KIF2A: variants seen among roughly 807,000 people sequenced by gnomAD.
KIF2A encodes kinesin family member 2A.
Under a neutral mutation model 100.2 loss-of-function variants are expected in KIF2A, and 22 were observed. That is an observed-to-expected ratio of 0.22 (90% CI 0.16 to 0.31). The LOEUF (loss-of-function observed/expected upper bound fraction) is 0.31, where lower values mean the gene tolerates loss of function less well. Ranked by LOEUF, KIF2A falls within the 10% of genes least tolerant of loss-of-function variation. KIF2A has a pLI of 1.00. For missense variants in KIF2A, 495 were observed against 898.7 expected (o/e 0.55, Z 5.74); for synonymous variants, 268 against 285.9 (o/e 0.94, Z 0.63).
intron 1 of KIF2A, among the ~76,000 whole-genome samples, chr5:62,345,809 T>C (rs1437111623): frequency 6.6e-6 from 1 of 152,196 alleles, no homozygotes; most frequent in Non-Finnish European, 1.5e-5. Flanking sequence ...AGATAAATTA[T>C]AGATGCCCCC....
intron 19 of KIF2A, among the ~76,000 whole-genome samples, chr5:62,378,729 G>A (rs1389361970): frequency 6.6e-6 from 1 of 152,018 alleles, no homozygotes; most frequent in East Asian, 1.9e-4. Context: ...ACTAGCCTGG[G>A]CAACATGGTG....
At chr5:62,326,587 C>T (rs1489019310) in intron 1 of KIF2A, among the ~76,000 whole-genome samples, 1 of 152,116 alleles carries the variant, frequency 6.6e-6, no homozygotes, top group Non-Finnish European at 1.5e-5. Flanking sequence ...TGTCTCCTTT[C>T]ACCTGCCCAG....
At chr5:62,348,292 C>A (rs1165314583) in intron 3 of KIF2A, 125 bp downstream of exon 3, 1 of 894,216 alleles carries the variant, frequency 1.1e-6, no homozygotes, top group Non-Finnish European at 1.7e-6. Flanking sequence ...GCTTTTTCTG[C>A]CATCATATTC....
chr5:62,313,252 A>G (rs1437088566), intron 1 of KIF2A, among the ~76,000 whole-genome samples: 1 of 152,090 alleles, frequency 6.6e-6, no homozygotes, highest in East Asian at 1.9e-4. Context: ...TAGACTCTTG[A>G]AGTTATGGAC....
intron 19 of KIF2A, among the ~76,000 whole-genome samples, chr5:62,380,911 A>G (rs1310917958): frequency 1.3e-5 from 2 of 152,280 alleles, no homozygotes; most frequent in East Asian, 1.9e-4. Flanking sequence ...AAAAATCCAC[A>G]TAAGTGGACC....
At chr5:62,382,824 A>G (rs566214144) in intron 20 of KIF2A, among the ~76,000 whole-genome samples, 1 of 151,146 alleles carries the variant, frequency 6.6e-6, no homozygotes, top group Non-Finnish European at 1.5e-5. Flanking sequence ...ACGGGGTTTC[A>G]CCATGTTGGC....
At position 62,372,570 on chromosome 5, in the gene KIF2A, A is replaced by G. The variant is rs781144768; in HGVS notation, c.1760+19A>G. ...TTACCAGGTCTACTTCATTCTATAC[A>G]TAAGATGTTTATTTGTATACTTTCT... On this transcript the variant is annotated intron_variant, in intron 17 of 20. Coordinates refer to ENST00000407818, the MANE Select transcript of KIF2A (RefSeq NM_001098511.3). The G allele has an allele frequency of 2.3e-6, 3 of 1,277,928 alleles. No individual in the cohort carries two copies. Among genetic ancestry groups the G allele is most frequent in the Non-Finnish European group, 3.4e-6 (3 of 885,248 alleles). 79.2% of individuals were successfully genotyped at this position (1,277,928 alleles called of 1,614,324 possible).
rs146202636 is a variant in KIF2A at position 62,331,657 on chromosome 5, G to A, written c.65-15473G>A. ...TATGAAGAGAAATTTTTATAGAAAC[G>A]TCTAAAGGGGAACTGATAAAAATAA... is the stretch of plus-strand genomic sequence containing the variant. On this transcript the variant is annotated intron_variant, in intron 1 of 20. Coordinates refer to ENST00000407818, the MANE Select transcript of KIF2A (RefSeq NM_001098511.3). Among the ~76,000 whole-genome samples, 35 of 151,474 alleles carry A rather than the reference G, an allele frequency of 2.3e-4. No individual in the cohort carries two copies. The East Asian group carries it at 6.1e-3, about 26-fold the overall frequency.
intron 1 of KIF2A, among the ~76,000 whole-genome samples, chr5:62,342,386 G>A (rs774501855): frequency 1.9e-4 from 29 of 152,272 alleles, no homozygotes; most frequent in Non-Finnish European, 3.5e-4. Flanking sequence ...CAGCCATGCA[G>A]GTGCACTGCT....
intron 18 of KIF2A, among the ~76,000 whole-genome samples, chr5:62,377,262 T>G (rs1741591289): frequency 6.6e-6 from 1 of 152,240 alleles, no homozygotes; most frequent in South Asian, 2.1e-4. Flanking sequence ...CATATCTTTT[T>G]TAACAAAAGA....
intron 1 of KIF2A, among the ~76,000 whole-genome samples, chr5:62,338,360 C>G (rs540368558): frequency 2.0e-5 from 3 of 152,182 alleles, no homozygotes; most frequent in Non-Finnish European, 4.4e-5. Flanking sequence ...ACAATCTTGG[C>G]TCACTTCAAC....
Position 62,362,493 on chromosome 5 carries a change from G to T in KIF2A, c.1071G>T (p.Lys357Asn). ...TGCTAAAGAAGCCAAACTATAAGAAGCTAGAACTTCAAGTATATGCAACCT... is the reference window on the plus strand; with the variant it reads ...TGCTAAAGAAGCCAAACTATAAGAATCTAGAACTTCAAGTATATGCAACCT... ...FLMLKKPNYK[K>N]LELQVYATFF... is the part of the protein sequence containing the mutation. Residue 357 changes from lysine to asparagine, a missense_variant, in exon 12 of 21, where the codon AAG becomes AAT. Coordinates refer to ENST00000407818, the MANE Select transcript of KIF2A (RefSeq NM_001098511.3). 6.8e-7 allele frequency: 1 copy of T among 1,464,528 alleles called. No individual in the cohort carries two copies. The highest frequency in any genetic ancestry group is 9.0e-7 in the Non-Finnish European group (1 of 1,110,362). 90.7% of individuals were successfully genotyped at this position (1,464,528 alleles called of 1,614,324 possible). A position where few individuals can be genotyped will look rare whatever the true frequency, so the allele number is the denominator to read the frequency against.
intron 9 of KIF2A, among the ~76,000 whole-genome samples, chr5:62,360,028 G>A (rs1748316967): frequency 6.8e-6 from 1 of 147,540 alleles, no homozygotes; most frequent in Admixed American, 6.8e-5. Flanking sequence ...TTTTGCTCTT[G>A]TCGCCCAGGC....
At chr5:62,367,328 G>A (rs960856401) in intron 16 of KIF2A, among the ~76,000 whole-genome samples, 9 of 152,086 alleles carry the variant, frequency 5.9e-5, no homozygotes, top group South Asian at 2.1e-4. Context: ...GTGCAGTGGT[G>A]TGATCTCAGC....
chr5:62,361,879 T>C (rs548289614), intron 11 of KIF2A, among the ~76,000 whole-genome samples: 3 of 151,558 alleles, frequency 2.0e-5, no homozygotes, highest in African/African-American at 7.2e-5. Flanking sequence ...AAAAAAAACT[T>C]AGCCAGGCGT....
At chr5:62,322,953 G>C (rs566010834) in intron 1 of KIF2A, among the ~76,000 whole-genome samples, 1 of 21,924 alleles carries the variant, frequency 4.6e-5, no homozygotes, top group African/African-American at 1.5e-4. Context: ...AAAAAAATCA[G>C]CTTTATTAAA....
intron 1 of KIF2A, among the ~76,000 whole-genome samples, chr5:62,344,072 G>A (rs1414777424): frequency 3.3e-5 from 5 of 152,124 alleles, no homozygotes; most frequent in South Asian, 2.1e-4. Flanking sequence ...CCGGCTGGGC[G>A]CAGTGGCTCA....
At chr5:62,341,147 C>T (rs1032186448) in intron 1 of KIF2A, among the ~76,000 whole-genome samples, 1 of 152,320 alleles carries the variant, frequency 6.6e-6, no homozygotes, top group African/African-American at 2.4e-5. Flanking sequence ...ACATAATTCT[C>T]AGTCCTGCCC....
intron 1 of KIF2A, among the ~76,000 whole-genome samples, chr5:62,329,905 T>C (rs1391558325): frequency 6.6e-6 from 1 of 152,250 alleles, no homozygotes; most frequent in Non-Finnish European, 1.5e-5. Context: ...TAAAACTCTT[T>C]AGACAATGAA....
Sources: allele counts gnomAD v4.1 joint callset (sites outside exome capture counted in the v4.1 genomes callset), GRCh38; gene constraint gnomAD v4.1.1; transcripts MANE v1.5; gene names NCBI Gene and HGNC (gene_info 2026-07-23, HGNC 2026-07-21).